The following HHAT variants were observed in gnomAD, a reference collection of about 807,000 sequenced individuals.
HHAT encodes protein-cysteine N-palmitoyltransferase HHAT.
HHAT carries 47 observed loss-of-function variants against 70.8 expected under a neutral mutation model. The observed-to-expected ratio is 0.66, with a 90% CI of 0.53 to 0.85. HHAT has a LOEUF of 0.85. HHAT is among the 40% of genes least tolerant of loss of function. The pLI, the probability that HHAT is intolerant of heterozygous loss-of-function variation, is 0.00. For synonymous variants in HHAT, 228 were observed against 247.6 expected, an observed-to-expected ratio of 0.92 and a Z score of 0.74; for missense variants, 609 against 604.8, an observed-to-expected ratio of 1.01 and a Z score of -0.07.
intron 1 of HHAT, chr1:210,329,475 G>A (rs2084796994): frequency 9.7e-7 from 1 of 1,032,488 alleles, no homozygotes; most frequent in Non-Finnish European, 1.2e-6. Context: ...TGACTCCAGG[G>A]ACTCTAAAGT....
intron 8 of HHAT, among the ~76,000 whole-genome samples, chr1:210,468,879 G>T (rs1415986823): frequency 6.6e-6 from 1 of 151,926 alleles, no homozygotes; most frequent in African/African-American, 2.4e-5. Flanking sequence ...TTTGGCAGCA[G>T]TCTAGTGACT....
intron 6 of HHAT, among the ~76,000 whole-genome samples, chr1:210,417,444 A>G (rs925881124): frequency 6.6e-6 from 1 of 152,134 alleles, no homozygotes; most frequent in Non-Finnish European, 1.5e-5. Context: ...CATATTGGCC[A>G]GGCTGGTCTC....
chr1:210,567,064 C>A (rs569425524), intron 9 of HHAT, among the ~76,000 whole-genome samples: 6 of 152,346 alleles, frequency 3.9e-5, no homozygotes, highest in Admixed American at 1.3e-4. Flanking sequence ...TCTGTGCCCC[C>A]CCTCCAATAA....
intron 1 of HHAT, among the ~76,000 whole-genome samples, chr1:210,347,002 A>G (rs748774189): frequency 6.6e-6 from 1 of 152,234 alleles, no homozygotes; most frequent in Non-Finnish European, 1.5e-5. Context: ...TAACATACCC[A>G]TCACCTTACC....
At chr1:210,461,568 C>T (rs956983428) in intron 7 of HHAT, among the ~76,000 whole-genome samples, 3 of 152,034 alleles carry the variant, frequency 2.0e-5, no homozygotes, top group African/African-American at 7.2e-5. Context: ...TCCCAAAGTG[C>T]TGGGACTACA....
Position 210,674,150 on chromosome 1 carries a change from T to C in HHAT, c.1391-138T>C, listed in dbSNP as rs180906942. 653 of 670,838 alleles carry C rather than the reference T, an allele frequency of 9.7e-4. 1 individual carries two copies. The African/African-American group carries it at 0.01, about 11-fold the overall frequency. 41.6% of individuals were successfully genotyped at this position (670,838 alleles called of 1,614,324 possible). ...GGAATGTAGGACTCAATTGCTGAAG[T>C]TGTCATTACAGCAGACTTTCCTGGA... On this transcript the variant is annotated intron_variant, in intron 11 of 11. Transcript: ENST00000261458.
intron 7 of HHAT, among the ~76,000 whole-genome samples, chr1:210,435,612 C>G (rs892476835): frequency 6.6e-6 from 1 of 151,738 alleles, no homozygotes; most frequent in African/African-American, 2.4e-5. Context: ...TTTCTCCTTT[C>G]TTTACATCTT....
chr1:210,587,961 G>C lies in HHAT; in HGVS notation c.1107G>C (p.Ala369=). The C allele has an allele frequency of 1.2e-6, 2 of 1,614,164 alleles. No individual in the cohort carries two copies. The highest frequency in any genetic ancestry group is 1.7e-6 in the Non-Finnish European group (2 of 1,180,020). ...TGCTGGGGACACTGTTTTCCACGGC[G>C]ATGACATTTGCATTTGTGAGCTACT... ...HGLLGTLFST[A]MTFAFVSYWH... The change falls in exon 10 of 12, where the codon GCG becomes GCC. Residue 369 remains alanine (A), a synonymous_variant. Coordinates refer to ENST00000261458, the MANE Select transcript of HHAT (RefSeq NM_018194.6).
chr1:210,377,096 C>A (rs1452427989), intron 3 of HHAT, among the ~76,000 whole-genome samples: 1 of 152,180 alleles, frequency 6.6e-6, no homozygotes, highest in Non-Finnish European at 1.5e-5. Context: ...ATTTTAGGGG[C>A]TGTGGCCCCC....
chr1:210,360,300 T>TTG (rs1316944852), intron 2 of HHAT, among the ~76,000 whole-genome samples: 1 of 143,460 alleles, frequency 7.0e-6, no homozygotes, highest in African/African-American at 2.6e-5. Flanking sequence ...AAGGTTGTTT[T>TTG]TGTGTTTTTT....
chr1:210,662,099 A>T (rs1677856846), intron 11 of HHAT, among the ~76,000 whole-genome samples: 1 of 152,168 alleles, frequency 6.6e-6, no homozygotes, highest in Admixed American at 6.5e-5. Flanking sequence ...AGTTTTTGGA[A>T]ATCCTGTCTC....
chr1:210,404,354 C>A (rs964281687), intron 5 of HHAT, 110 bp from the exon 6 acceptor site: 6 of 782,064 alleles, frequency 7.7e-6, no homozygotes, highest in Admixed American at 2.4e-5. Context: ...CTTCCCAGAG[C>A]CCCCTGGGAT....
In HHAT at chr1:210,401,786, T is replaced by C. The variant is rs567624550; in HGVS notation, c.468+1124T>C. On this transcript the variant is annotated intron_variant, in intron 5 of 11. Transcript: ENST00000261458. Reference sequence around the variant, plus strand: ...CCTTCTGAGTTGAGTTTCCTGTGCCTTGCTGAGGCGATTGCACCTATCAGC... The same window carrying C: ...CCTTCTGAGTTGAGTTTCCTGTGCCCTGCTGAGGCGATTGCACCTATCAGC... 2.6e-5 allele frequency among the ~76,000 whole-genome samples: 4 copies of C among 152,338 alleles called. No individual in the cohort carries two copies. The South Asian group carries it at 8.3e-4, about 32-fold the overall frequency.
intron 9 of HHAT, among the ~76,000 whole-genome samples, chr1:210,523,556 C>T (rs72749335): frequency 0.036 from 5,466 of 152,198 alleles, 161 homozygotes; most frequent in South Asian, 0.12. Flanking sequence ...CTCCCAGTGA[C>T]TCTGATGCTC....
chr1:210,670,731 C>T (rs1679913172), intron 11 of HHAT, among the ~76,000 whole-genome samples: 1 of 152,140 alleles, frequency 6.6e-6, no homozygotes, highest in South Asian at 2.1e-4. Context: ...TTTAAAAAGT[C>T]CAGTGAGCTG....
intron 9 of HHAT, among the ~76,000 whole-genome samples, chr1:210,579,532 CAG>C (rs1658714155): frequency 6.6e-6 from 1 of 152,086 alleles, no homozygotes; most frequent in Admixed American, 6.6e-5. Context: ...AAAAAATCTC[CAG>C]AGTCTTTATA....
intron 7 of HHAT, among the ~76,000 whole-genome samples, chr1:210,439,363 A>G (rs1470776190): frequency 6.6e-6 from 1 of 151,740 alleles, no homozygotes; most frequent in Admixed American, 6.6e-5. Flanking sequence ...TTCCCAAAGA[A>G]TTTCTGGCAT....
At chr1:210,419,298 C>G (rs1025264999) in intron 7 of HHAT, among the ~76,000 whole-genome samples, 1 of 152,164 alleles carries the variant, frequency 6.6e-6, no homozygotes, top group African/African-American at 2.4e-5. Context: ...CTACCCTTTC[C>G]TGTGTGTCTG....
chr1:210,527,454 C>G (rs1320960127), intron 9 of HHAT, among the ~76,000 whole-genome samples: 2 of 152,204 alleles, frequency 1.3e-5, no homozygotes, highest in Non-Finnish European at 2.9e-5. Context: ...GACCAAATAA[C>G]ATAGTACACT....
Sources: allele counts gnomAD v4.1 joint callset (sites outside exome capture counted in the v4.1 genomes callset), GRCh38; gene constraint gnomAD v4.1.1; transcripts MANE v1.5; gene names NCBI Gene and HGNC (gene_info 2026-07-23, HGNC 2026-07-21).